The following ARHGAP35 variants were observed in gnomAD, a reference collection of about 807,000 sequenced individuals.
ARHGAP35 encodes the protein rho GTPase-activating protein 35.
In ARHGAP35, 15 loss-of-function variants were observed where a neutral mutation model predicts 111.1. The observed-to-expected ratio is 0.13, with a 90% CI of 0.09 to 0.21. The LOEUF (loss-of-function observed/expected upper bound fraction) is 0.21. Ranked by LOEUF, ARHGAP35 falls within the 10% of genes least tolerant of loss-of-function variation. The pLI is 1.00. For missense variants in ARHGAP35, 1,262 were observed against 1,873.0 expected (o/e 0.67, Z 6.02); for synonymous variants, 643 against 710.3 (o/e 0.91, Z 1.51).
Position 46,921,674 on chromosome 19 carries a change from C to T in ARHGAP35, c.2999C>T (p.Thr1000Ile), listed in dbSNP as rs747540820. 1 of 1,613,988 alleles carries T rather than the reference C, an allele frequency of 6.2e-7. No individual in the cohort carries two copies. The highest frequency in any genetic ancestry group is 1.1e-5 in the South Asian group (1 of 91,080). The change falls in exon 2 of 7, where the codon ACA (threonine) becomes ATA (isoleucine). Residue 1000 changes from threonine to isoleucine, a missense_variant. Thr to Ile is a moderately conservative substitution (Grantham distance 89, BLOSUM62 -1). This residue lies in a region of ARHGAP35 where 579 missense variants were observed against 716.9 expected (regional missense o/e 0.81). Coordinates refer to ENST00000672722, the MANE Select transcript of ARHGAP35 (RefSeq NM_004491.5). The surrounding 1 kb of genome is among the most constrained non-coding windows in gnomAD (Gnocchi z 4.3). The part of the protein sequence containing the change: ...EPSYSLFRED[T>I]SLPSLSKDHS... Reference sequence around the variant, plus strand: ...TCTTACAGCCTGTTTCGAGAAGACACATCACTGCCTTCTCTGTCCAAAGAC... The same window carrying T: ...TCTTACAGCCTGTTTCGAGAAGACATATCACTGCCTTCTCTGTCCAAAGAC...
chr19:47,004,911 T>C lies in ARHGAP35; in HGVS notation c.*4223T>C, dbSNP rs141472326. 1 of 152,348 alleles carries C rather than the reference T, an allele frequency of 6.6e-6. No homozygotes were observed. Among genetic ancestry groups the C allele is most frequent in the Non-Finnish European group, 1.5e-5 (1 of 68,042 alleles). 9.4% of individuals were successfully genotyped at this position (152,348 alleles called of 1,614,324 possible). On this transcript the variant is annotated 3_prime_UTR_variant, in exon 7 of 7. Coordinates refer to ENST00000672722, the MANE Select transcript of ARHGAP35 (RefSeq NM_004491.5). ...TGATTAGTGCATGGTCAGCCCTCAA[T>C]GAAGGCTGAGGCATCTCTGACTGAG...
intron 1 of ARHGAP35, among the ~76,000 whole-genome samples, chr19:46,916,184 T>G (rs2056162378): frequency 6.6e-6 from 1 of 152,086 alleles, no homozygotes; most frequent in Non-Finnish European, 1.5e-5. Context: ...TGCATCCGCC[T>G]CGGCCTCCCA....
chr19:46,872,383 T>C (rs369195996), intron 1 of ARHGAP35, among the ~76,000 whole-genome samples: 1 of 152,038 alleles, frequency 6.6e-6, no homozygotes, highest in African/African-American at 2.4e-5. Flanking sequence ...CTTTCCACAA[T>C]GATTTTACTA....
rs189282752 is a variant in ARHGAP35 at position 46,994,868 on chromosome 19, A to T, written c.4037-4436A>T. 5.1e-4 allele frequency among the ~76,000 whole-genome samples: 78 copies of T among 152,290 alleles called. No homozygotes were observed. Among genetic ancestry groups the T allele is most frequent in the Middle Eastern group, 3.4e-3 (1 of 294 alleles). On this transcript the variant is annotated intron_variant, in intron 5 of 6. Coordinates refer to ENST00000672722, the MANE Select transcript of ARHGAP35 (RefSeq NM_004491.5). The surrounding 1 kb of genome is among the most constrained non-coding windows in gnomAD (Gnocchi z 5.4). The stretch of plus-strand genomic sequence containing the variant: ...GAGGGGCCTCCCAAATCCGAGAATG[A>T]AAGAATTCGCATTGTCTGACAAGGC...
At chr19:46,862,973 C>A (rs529693323) in intron 1 of ARHGAP35, among the ~76,000 whole-genome samples, 1 of 152,126 alleles carries the variant, frequency 6.6e-6, no homozygotes, top group Admixed American at 6.5e-5. Flanking sequence ...GGAGCTGCCT[C>A]AGTGCTGTGA....
Position 46,958,253 on chromosome 19 carries a change from G to A in ARHGAP35, c.3826+20845G>A, listed in dbSNP as rs183369963. On this transcript the variant is annotated intron_variant, in intron 3 of 6. Transcript: ENST00000672722. ...AAAACAATTAGCCGGGCATGGTGGC[G>A]GGCGCCTGTAGTCCCAGCTACTCCG... Among the ~76,000 whole-genome samples, 332 of 152,034 alleles carry A rather than the reference G, an allele frequency of 2.2e-3. 1 individual carries two copies. Among genetic ancestry groups the A allele is most frequent in the Non-Finnish European group, 3.9e-3 (265 of 67,946 alleles).
At chr19:46,943,820 G>T (rs761035513) in intron 3 of ARHGAP35, among the ~76,000 whole-genome samples, 22 of 152,306 alleles carry the variant, frequency 1.4e-4, no homozygotes, top group Non-Finnish European at 1.0e-4. Context: ...GGATAGGAAA[G>T]AAATTTATGC....
At chr19:46,888,760 G>C (rs1008145883) in intron 1 of ARHGAP35, among the ~76,000 whole-genome samples, 1 of 150,908 alleles carries the variant, frequency 6.6e-6, no homozygotes, top group African/African-American at 2.4e-5. Context: ...TTGGGAGGCT[G>C]AGGCGGGCAG....
intron 2 of ARHGAP35, among the ~76,000 whole-genome samples, chr19:46,925,327 C>T (rs544045332): frequency 2.6e-5 from 4 of 152,316 alleles, no homozygotes; most frequent in East Asian, 1.9e-4. Context: ...TGCTGCAGTT[C>T]GGAACACAGA....
At chr19:46,983,353 G>A (rs926742586) in intron 3 of ARHGAP35, among the ~76,000 whole-genome samples, 4 of 152,126 alleles carry the variant, frequency 2.6e-5, no homozygotes, top group Admixed American at 2.0e-4. Context: ...GTTATTGTGA[G>A]AACTGCTATG....
At chr19:46,867,681 A>T (rs960919582) in intron 1 of ARHGAP35, among the ~76,000 whole-genome samples, 12 of 152,100 alleles carry the variant, frequency 7.9e-5, no homozygotes, top group Admixed American at 3.3e-4. Flanking sequence ...TTCCTATCAC[A>T]CCTAGCAAAA....
At chr19:46,886,039 T>A (rs1051728564) in intron 1 of ARHGAP35, among the ~76,000 whole-genome samples, 1 of 152,198 alleles carries the variant, frequency 6.6e-6, no homozygotes, top group Non-Finnish European at 1.5e-5. Flanking sequence ...CTCCTTGAAG[T>A]ATTTTGCTTT....
At chr19:46,870,406 CATCTCTACTAAAAATACAAAAA>C (rs1200467289) in intron 1 of ARHGAP35, among the ~76,000 whole-genome samples, 2 of 151,682 alleles carry the variant, frequency 1.3e-5, no homozygotes, top group Non-Finnish European at 2.9e-5. Flanking sequence ...GGTGAAATCC[CATCTCTACTAAAAATACAAAAA>C]ATTAGCCGGG....
rs111362751 is a variant in ARHGAP35, at chr19:46,928,376, A to G, written c.3681+6020A>G. Among the ~76,000 whole-genome samples the G allele has an allele frequency of 6.4e-3, 981 of 152,324 alleles. 5 individuals are homozygous for G. Among genetic ancestry groups the G allele is most frequent in the South Asian group, 0.02 (98 of 4,826 alleles). ...GACTCAAATTATTCCAGCTCTAGTC[A>G]GGAATCACCTTTGCTTATAAGGCAA... On this transcript the variant is annotated intron_variant, in intron 2 of 6. Coordinates refer to ENST00000672722, the MANE Select transcript of ARHGAP35 (RefSeq NM_004491.5).
chr19:46,912,439 G>C (rs2056142241), intron 1 of ARHGAP35, among the ~76,000 whole-genome samples: 1 of 151,462 alleles, frequency 6.6e-6, no homozygotes, highest in Admixed American at 6.6e-5. Context: ...ACTGCAAGCT[G>C]GCCTTCCAGG....
chr19:46,874,334 A>G (rs993025860), intron 1 of ARHGAP35, among the ~76,000 whole-genome samples: 1 of 152,104 alleles, frequency 6.6e-6, no homozygotes, highest in Non-Finnish European at 1.5e-5. Flanking sequence ...AATGTAAAAA[A>G]TTTAGAAGGC....
chr19:46,973,251 T>C (rs1448385044), intron 3 of ARHGAP35, among the ~76,000 whole-genome samples: 1 of 152,148 alleles, frequency 6.6e-6, no homozygotes, highest in Non-Finnish European at 1.5e-5. Context: ...TAATTCCAGC[T>C]ACTCAGGAGG....
At chr19:46,935,130 A>C (rs2056299403) in intron 2 of ARHGAP35, among the ~76,000 whole-genome samples, 3 of 152,180 alleles carry the variant, frequency 2.0e-5, no homozygotes, top group Admixed American at 2.0e-4. Context: ...TGTTTGCTTC[A>C]GTCTATAAGG....
chr19:46,975,958 C>T (rs1030075303), intron 3 of ARHGAP35, among the ~76,000 whole-genome samples: 1 of 152,178 alleles, frequency 6.6e-6, no homozygotes, highest in Non-Finnish European at 1.5e-5. Context: ...TATAGATACT[C>T]CCATCTATCA....
Sources: allele counts gnomAD v4.1 joint callset (sites outside exome capture counted in the v4.1 genomes callset), GRCh38; gene constraint gnomAD v4.1.1; regional missense constraint gnomAD v4.1.1; non-coding constraint Gnocchi (gnomAD v3.1); transcripts MANE v1.5; gene names NCBI Gene and HGNC (gene_info 2026-07-23, HGNC 2026-07-21).